Variants in CDX2 observed in about 807,000 individuals in gnomAD.
The protein encoded by CDX2 is homeobox protein CDX-2.
CDX2 carries 7 observed loss-of-function variants against 25.5 expected under a neutral mutation model. The ratio of observed to expected loss-of-function variants is 0.27; its 90% CI spans 0.16 to 0.52. The LOEUF is 0.52. Ranked by LOEUF, CDX2 falls within the 20% of genes least tolerant of loss-of-function variation. The probability of loss-of-function intolerance (pLI) is 0.97; values close to 1 mark genes in which losing one functional copy is unlikely to be tolerated. For missense variants in CDX2, 375 were observed against 431.4 expected, an observed-to-expected ratio of 0.87 and a Z score of 1.16; for synonymous variants, 222 against 198.6, an observed-to-expected ratio of 1.12 and a Z score of -0.99.
Position 27,961,052 on chromosome 13 carries a change from G to A in CDX2, c.*2063C>T, listed in dbSNP as rs1869020748. Among the ~76,000 whole-genome samples, 2 of 152,112 alleles carry A rather than the reference G, an allele frequency of 1.3e-5. No homozygotes were observed. The highest frequency in any genetic ancestry group is 4.8e-5 in the African/African-American group (2 of 41,446). ...GGGCACCGGGGCTCAGACCGGCCCT[G>A]ACCCAGGACCCCTGACCCAGGACCC... is the stretch of plus-strand genomic sequence containing the variant. On this transcript the variant is annotated 3_prime_UTR_variant, in exon 3 of 3. Coordinates refer to ENST00000381020, the MANE Select transcript of CDX2 (RefSeq NM_001265.6).
Position 27,969,076 on chromosome 13 carries a change from A to G in CDX2, c.-70T>C. On this transcript the variant is annotated 5_prime_UTR_variant, in exon 1 of 3. Coordinates refer to ENST00000381020, the MANE Select transcript of CDX2 (RefSeq NM_001265.6). ...CCGACGCTGGAGGCTGCCGGGGGGC[A>G]CGAAGGGAAAGGGGCGAGGGGACTC... 7.8e-7 allele frequency: 1 copy of G among 1,280,298 alleles called. No individual in the cohort carries two copies. The highest frequency in any genetic ancestry group is 1.1e-6 in the Non-Finnish European group (1 of 920,216). 79.3% of individuals were successfully genotyped at this position (1,280,298 alleles called of 1,614,324 possible).
intron 2 of CDX2, among the ~76,000 whole-genome samples, chr13:27,963,888 G>A (rs1010611696): frequency 6.6e-6 from 1 of 152,172 alleles, no homozygotes; most frequent in Non-Finnish European, 1.5e-5. Context: ...TAGTTTTTGT[G>A]AGAGACTGAG....
rs899418379 is a variant in CDX2, at chr13:27,968,833, C to A, written c.174G>T (p.Ala58=). 7 of 1,574,002 alleles carry A rather than the reference C, an allele frequency of 4.4e-6. No homozygotes were observed. Among genetic ancestry groups the A allele is most frequent in the African/African-American group, 1.3e-5 (1 of 74,106 alleles). The change falls in exon 1 of 3, where the codon GCG becomes GCT. Residue 58 remains alanine (A), a synonymous_variant. Transcript: ENST00000381020. ...AAAAAANLDS[A]QSPGPSWPAA... is the part of the protein sequence containing the mutation. ...CCGGCCAGGATGGCCCCGGGGACTG[C>A]GCGCTGTCCAAGTTCGCTGCCGCTG...
chr13:27,967,290 C>G (rs1003206491), intron 1 of CDX2: 2 of 512,552 alleles, frequency 3.9e-6, no homozygotes, highest in Non-Finnish European at 7.7e-6. Flanking sequence ...CCCCGGTCGG[C>G]GGCATTCCCA....
At position 27,962,927 on chromosome 13, in the gene CDX2, A is replaced by G; in HGVS notation, c.*188T>C. On this transcript the variant is annotated 3_prime_UTR_variant, in exon 3 of 3. Transcript: ENST00000381020. ...AGATGGGAAAAAGTAAAAATCTGGG[A>G]GAGTATATTTCTTGAGGCCCCAAAT... The G allele has an allele frequency of 1.6e-6, 1 of 621,856 alleles. No homozygotes were observed. The highest frequency in any genetic ancestry group is 2.5e-6 in the Non-Finnish European group (1 of 404,608). 38.5% of individuals were successfully genotyped at this position (621,856 alleles called of 1,614,324 possible). A position where few individuals can be genotyped will look rare whatever the true frequency, so the allele number is the denominator to read the frequency against.
rs910722437 is a variant in CDX2 at position 27,968,627 on chromosome 13, G to T, written c.380C>A (p.Ala127Asp). The change falls in exon 1 of 3, where the codon GCC (alanine) becomes GAC (aspartate). Residue 127 changes from alanine to aspartate, a missense_variant. Physicochemically the swap from Ala to Asp is moderately radical, Grantham distance 126. Around this residue, in one of 3 missense-constraint regions of CDX2, gnomAD observed 253 missense variants for 247.5 expected, o/e 1.02. Coordinates refer to ENST00000381020, the MANE Select transcript of CDX2 (RefSeq NM_001265.6). ...CCCAGAAGCGCAGGAAGGCGCGGCG[G>T]CCGGGTGGTGCGGGTGGTGATGCGG... ...HHPHHHPHHP[A>D]AAPSCASGLL... 7.8e-6 allele frequency: 12 copies of T among 1,542,100 alleles called. No individual in the cohort carries two copies. The African/African-American group carries it at 1.4e-4, about 18-fold the overall frequency.
Position 27,962,102 on chromosome 13 carries a change from G to A in CDX2, c.*1013C>T, listed in dbSNP as rs990052457. On this transcript the variant is annotated 3_prime_UTR_variant, in exon 3 of 3. Coordinates refer to ENST00000381020, the MANE Select transcript of CDX2 (RefSeq NM_001265.6). ...TCATTTCTTTAAAAAATAAAAAATA[G>A]TTGCAGACAAAATCTGAAGATAAAT... The A allele has an allele frequency of 4.3e-6, 1 of 230,738 alleles. No homozygotes were observed. The highest frequency in any genetic ancestry group is 2.2e-5 in the African/African-American group (1 of 45,180). 14.3% of individuals were successfully genotyped at this position (230,738 alleles called of 1,614,324 possible). A position where few individuals can be genotyped will look rare whatever the true frequency, so the allele number is the denominator to read the frequency against.
At position 27,961,494 on chromosome 13, in the gene CDX2, T is replaced by A. The variant is rs1216512686; in HGVS notation, c.*1621A>T. Among the ~76,000 whole-genome samples, 1 of 151,998 alleles carries A rather than the reference T, an allele frequency of 6.6e-6. No homozygotes were observed. The highest frequency in any genetic ancestry group is 2.4e-5 in the African/African-American group (1 of 41,382). On this transcript the variant is annotated 3_prime_UTR_variant, in exon 3 of 3. Transcript: ENST00000381020. ...GGATCGGCCAGATAACAAGAAACTG[T>A]CACTAAAAGGATCATTTTATACTGG...
rs1399043185 is a variant in CDX2, at chr13:27,961,055, C to G, written c.*2060G>C. On this transcript the variant is annotated 3_prime_UTR_variant, in exon 3 of 3. Coordinates refer to ENST00000381020, the MANE Select transcript of CDX2 (RefSeq NM_001265.6). ...CACCGGGGCTCAGACCGGCCCTGAC[C>G]CAGGACCCCTGACCCAGGACCCCTC... Among the ~76,000 whole-genome samples, 1 of 152,088 alleles carries G rather than the reference C, an allele frequency of 6.6e-6. No homozygotes were observed. The highest frequency in any genetic ancestry group is 2.4e-5 in the African/African-American group (1 of 41,436).
At position 27,969,154 on chromosome 13, in the gene CDX2, C is replaced by T. The variant is rs1047985900; in HGVS notation, c.-148G>A. 3.4e-4 allele frequency: 198 copies of T among 582,002 alleles called. No individual in the cohort carries two copies. Among genetic ancestry groups the T allele is most frequent in the Non-Finnish European group, 4.4e-4 (151 of 339,796 alleles). 36.1% of individuals were successfully genotyped at this position (582,002 alleles called of 1,614,324 possible). ...CCCGCGGTGCTCCGCTGGCTCCTCGCGGCTCTTCTGCCTCCGAGGCGGTCC... is the reference window on the plus strand; with the variant it reads ...CCCGCGGTGCTCCGCTGGCTCCTCGTGGCTCTTCTGCCTCCGAGGCGGTCC... On this transcript the variant is annotated 5_prime_UTR_variant, in exon 1 of 3. Coordinates refer to ENST00000381020, the MANE Select transcript of CDX2 (RefSeq NM_001265.6).
Position 27,960,973 on chromosome 13 carries a change from C to G in CDX2, c.*2142G>C, listed in dbSNP as rs1869014945. 6.6e-6 allele frequency among the ~76,000 whole-genome samples: 1 copy of G among 152,258 alleles called. No individual in the cohort carries two copies. Among genetic ancestry groups the G allele is most frequent in the African/African-American group, 2.4e-5 (1 of 41,472 alleles). On this transcript the variant is annotated 3_prime_UTR_variant, in exon 3 of 3. Coordinates refer to ENST00000381020, the MANE Select transcript of CDX2 (RefSeq NM_001265.6). ...CGTTTCACGGCAACGCATAGCAACC[C>G]CGGCGGCTAGGGGGCGGGCCTGTGG...
intron 1 of CDX2, among the ~76,000 whole-genome samples, chr13:27,965,616 G>A (rs1213176581): frequency 6.6e-6 from 1 of 152,224 alleles, no homozygotes. Flanking sequence ...CCTCCTGCTG[G>A]GGACACTTTA....
chr13:27,963,434 C>A (rs1482673032), intron 2 of CDX2, 65 bp from the exon 3 acceptor site: 8 of 1,299,052 alleles, frequency 6.2e-6, no homozygotes, highest in Non-Finnish European at 8.5e-6. Flanking sequence ...AGGAACAGTA[C>A]CCAGCAGTAT....
intron 1 of CDX2, among the ~76,000 whole-genome samples, chr13:27,965,612 G>C (rs1869279704): frequency 6.6e-6 from 1 of 152,216 alleles, no homozygotes; most frequent in South Asian, 2.1e-4. Flanking sequence ...AACCCCTCCT[G>C]CTGGGGACAC....
Position 27,968,653 on chromosome 13 carries a change from G to GTGGTGGTGCGGA in CDX2, c.342_353dup (p.His122_His125dup), listed in dbSNP as rs758826814. On this transcript the variant is annotated inframe_insertion, in exon 1 of 3. Transcript: ENST00000381020. ...CCGGGTGGTGCGGGTGGTGATGCGG[G>GTGGTGGTGCGGA]TGGTGGTGCGGATGGTAGTCTGCGG... 2.6e-6 allele frequency: 4 copies of GTGGTGGTGCGGA among 1,534,972 alleles called. No individual in the cohort carries two copies. The highest frequency in any genetic ancestry group is 2.0e-5 in the Admixed American group (1 of 50,610).
intron 1 of CDX2, among the ~76,000 whole-genome samples, chr13:27,966,232 TC>T (rs1869314879): frequency 1.3e-5 from 2 of 152,230 alleles, no homozygotes. Flanking sequence ...GCCCCGGCTT[TC>T]ATCCCCCTCC....
chr13:27,966,158 A>T (rs1279041391), intron 1 of CDX2, among the ~76,000 whole-genome samples: 5 of 152,382 alleles, frequency 3.3e-5, no homozygotes, highest in African/African-American at 9.6e-5. Flanking sequence ...ATCAAAGAAA[A>T]GCCCTTTCAA....
chr13:27,964,930 G>A lies in CDX2; in HGVS notation c.627C>T (p.Arg209=), dbSNP rs1283429303. The A allele has an allele frequency of 1.2e-6, 2 of 1,614,198 alleles. No individual in the cohort carries two copies. The highest frequency in any genetic ancestry group is 1.7e-6 in the Non-Finnish European group (2 of 1,180,026). ...CGGCTTTCCTCCGGATGGTGATGTA[G>A]CGACTGTAGTGAAACTCCTTCTCCA... ...LELEKEFHYS[R]YITIRRKAEL... is the part of the protein sequence containing the mutation. The change falls in exon 2 of 3, where the codon CGC becomes CGT. Residue 209 remains arginine (R), a synonymous_variant. Transcript: ENST00000381020. The surrounding 1 kb of genome is among the most constrained non-coding windows in gnomAD (Gnocchi z 4.7).
rs1254338564 is a variant in CDX2 at position 27,962,574 on chromosome 13, G to C, written c.*541C>G. 4 of 232,966 alleles carry C rather than the reference G, an allele frequency of 1.7e-5. No individual in the cohort carries two copies. Among genetic ancestry groups the C allele is most frequent in the African/African-American group, 6.6e-5 (3 of 45,306 alleles). The allele number at this position is 232,966 out of a possible 1,614,324, so 14.4% of individuals were successfully genotyped here. ...AGAAAAAAGACGCAGGCCACCTGGG[G>C]GTTCTGCAGTCTTTGGTCAGTCCAG... On this transcript the variant is annotated 3_prime_UTR_variant, in exon 3 of 3. Coordinates refer to ENST00000381020, the MANE Select transcript of CDX2 (RefSeq NM_001265.6).
Sources: allele counts gnomAD v4.1 joint callset (sites outside exome capture counted in the v4.1 genomes callset), GRCh38; gene constraint gnomAD v4.1.1; regional missense constraint gnomAD v4.1.1; non-coding constraint Gnocchi (gnomAD v3.1); transcripts MANE v1.5; gene names NCBI Gene and HGNC (gene_info 2026-07-23, HGNC 2026-07-21).